Variants in IL23R observed in about 807,000 individuals in gnomAD.
IL23R encodes the protein interleukin-23 receptor.
IL23R carries 34 observed loss-of-function variants against 56.9 expected under a neutral mutation model. That is an observed-to-expected ratio of 0.60 (90% CI 0.45 to 0.80). The LOEUF is 0.80. IL23R is among the 30% of genes least tolerant of loss of function. The pLI is 0.00. For missense variants in IL23R, 635 were observed against 730.0 expected (o/e 0.87, Z 1.50); for synonymous variants, 230 against 249.2 (o/e 0.92, Z 0.73).
rs899179384 is a variant in IL23R at position 67,259,337 on chromosome 1, A to G, written c.*209A>G. 2 of 565,344 alleles carry G rather than the reference A, an allele frequency of 3.5e-6. No homozygotes were observed. Among genetic ancestry groups the G allele is most frequent in the South Asian group, 2.0e-5 (1 of 49,852 alleles). 35.0% of individuals were successfully genotyped at this position (565,344 alleles called of 1,614,324 possible). ...ATAAGCATATGTTTCAGTTCTACCA[A>G]TCTTGTTTCCAGAGTAGTGACATTT... On this transcript the variant is annotated 3_prime_UTR_variant, in exon 11 of 11. Coordinates refer to ENST00000347310, the MANE Select transcript of IL23R (RefSeq NM_144701.3).
chr1:67,225,093 C>T (rs1650527134), intron 7 of IL23R, among the ~76,000 whole-genome samples: 1 of 152,142 alleles, frequency 6.6e-6, no homozygotes, highest in Admixed American at 6.5e-5. Context: ...TCCTAAGAGA[C>T]CTAGGAGGGT....
At chr1:67,193,260 C>G (rs769116871) in intron 4 of IL23R, among the ~76,000 whole-genome samples, 2 of 152,192 alleles carry the variant, frequency 1.3e-5, no homozygotes, top group Non-Finnish European at 2.9e-5. Flanking sequence ...ACTCTCAGAA[C>G]TGCCTAACCT....
intron 7 of IL23R, among the ~76,000 whole-genome samples, chr1:67,222,303 G>A: frequency 6.6e-6 from 1 of 151,588 alleles, no homozygotes; most frequent in Non-Finnish European, 1.5e-5. Context: ...TTTTAATAGA[G>A]GCGGGGTTTC....
chr1:67,250,072 T>C (rs943014257), intron 9 of IL23R, among the ~76,000 whole-genome samples: 2 of 152,230 alleles, frequency 1.3e-5, no homozygotes, highest in African/African-American at 4.8e-5. Context: ...TAAAACAATA[T>C]TTTAACCCTC....
chr1:67,227,240 G>T (rs547262479), intron 7 of IL23R, among the ~76,000 whole-genome samples: 1 of 152,234 alleles, frequency 6.6e-6, no homozygotes, highest in African/African-American at 2.4e-5. Context: ...ACAATGGCTA[G>T]CCAGGAATCT....
chr1:67,207,132 T>TA lies in IL23R; in HGVS notation c.798+78dup. 2.9e-6 allele frequency: 4 copies of TA among 1,357,652 alleles called. No homozygotes were observed. The South Asian group carries it at 4.7e-5, about 16-fold the overall frequency. 84.1% of individuals were successfully genotyped at this position (1,357,652 alleles called of 1,614,324 possible). ...CAACCATCAGTGGCTACAGTGGACT[T>TA]ATTATGTCTATTTTACATGTTTTTA... is the stretch of plus-strand genomic sequence containing the variant. On this transcript the variant is annotated intron_variant, in intron 6 of 10. Coordinates refer to ENST00000347310, the MANE Select transcript of IL23R (RefSeq NM_144701.3).
upstream of IL23R, among the ~76,000 whole-genome samples, chr1:67,162,442 G>A (rs1475816673): frequency 2.0e-5 from 3 of 151,978 alleles, no homozygotes; most frequent in Admixed American, 1.3e-4. Flanking sequence ...AGCCGAGATC[G>A]CGCCACTGCA....
At chr1:67,168,567 A>G (rs1234760784) in intron 2 of IL23R, among the ~76,000 whole-genome samples, 1 of 152,240 alleles carries the variant, frequency 6.6e-6, no homozygotes, top group Non-Finnish European at 1.5e-5. Context: ...TGCCGGGCAC[A>G]TAGTAACTAT....
At chr1:67,230,958 G>T (rs948420243) in intron 7 of IL23R, among the ~76,000 whole-genome samples, 1 of 152,124 alleles carries the variant, frequency 6.6e-6, no homozygotes. Context: ...AAAAGGAGAT[G>T]CGAAAGAGAG....
At chr1:67,154,633 C>T (rs373783287) in intron 1 of IL23R, among the ~76,000 whole-genome samples, 6 of 150,944 alleles carry the variant, frequency 4.0e-5, no homozygotes, top group African/African-American at 1.5e-4. Context: ...TTTTGCTTTC[C>T]GTTTGCTTGG....
At position 67,160,996 on chromosome 1, in the gene IL23R, G is replaced by A. The variant is rs140367039; in HGVS notation, c.-633-7096G>A. On this transcript the variant is annotated intron_variant, in intron 1 of 10. Coordinates refer to the IL23R transcript ENST00000637002. ...TCATCAGCTATTGTTTATAGCAATT[G>A]ATACCAATTTTCCATCCAAACAATA... Among the ~76,000 whole-genome samples, 4 of 152,252 alleles carry A rather than the reference G, an allele frequency of 2.6e-5. No individual in the cohort carries two copies. In the East Asian group the frequency reaches 7.7e-4, roughly 29 times the overall value.
intron 8 of IL23R, among the ~76,000 whole-genome samples, chr1:67,239,272 G>A (rs1044180401): frequency 1.4e-4 from 22 of 152,116 alleles, no homozygotes; most frequent in Admixed American, 3.9e-4. Context: ...TTGTTTGTTT[G>A]TTTGTTTTTG....
chr1:67,221,614 C>T (rs1438243847), intron 7 of IL23R, among the ~76,000 whole-genome samples: 1 of 152,130 alleles, frequency 6.6e-6, no homozygotes, highest in Non-Finnish European at 1.5e-5. Context: ...AATAATACTC[C>T]TAATGGCCCC....
intron 7 of IL23R, among the ~76,000 whole-genome samples, chr1:67,220,064 C>A (rs544735078): frequency 7.9e-5 from 12 of 151,988 alleles, no homozygotes. Flanking sequence ...GACCAAGACC[C>A]TGTTTCCTAA....
intron 1 of IL23R, among the ~76,000 whole-genome samples, chr1:67,147,254 C>T (rs938578617): frequency 2.6e-5 from 4 of 152,132 alleles, no homozygotes; most frequent in African/African-American, 9.7e-5. Flanking sequence ...GTTACCTGCT[C>T]CCCACAGAAA....
At position 67,156,799 on chromosome 1, in the gene IL23R, C is replaced by T. The variant is rs1025526283; in HGVS notation, c.-633-11293C>T. ...GACCACTTGGCTCCCTGGCTTCAGC[C>T]CCCTTTCCAGGGCAGTGGATGGTTC... On this transcript the variant is annotated intron_variant, in intron 1 of 10. Transcript: ENST00000637002. Among the ~76,000 whole-genome samples, 16 of 152,314 alleles carry T rather than the reference C, an allele frequency of 1.1e-4. No homozygotes were observed. The South Asian group carries it at 2.7e-3, about 26-fold the overall frequency.
chr1:67,190,170 G>A (rs1049901304), intron 4 of IL23R, among the ~76,000 whole-genome samples: 4 of 152,184 alleles, frequency 2.6e-5, no homozygotes, highest in African/African-American at 9.7e-5. Context: ...AAAATCACAT[G>A]TAGAGAGAAG....
intron 5 of IL23R, among the ~76,000 whole-genome samples, chr1:67,202,160 T>C (rs1648685081): frequency 6.6e-6 from 1 of 152,228 alleles, no homozygotes; most frequent in African/African-American, 2.4e-5. Context: ...ATTAAAGATA[T>C]TTCAATAAGC....
chr1:67,148,768 G>A (rs1159966177), intron 1 of IL23R, among the ~76,000 whole-genome samples: 1 of 152,206 alleles, frequency 6.6e-6, no homozygotes, highest in Non-Finnish European at 1.5e-5. Flanking sequence ...TTGACTTAGT[G>A]TCCAGTCATG....
Sources: allele counts gnomAD v4.1 joint callset (sites outside exome capture counted in the v4.1 genomes callset), GRCh38; gene constraint gnomAD v4.1.1; transcripts MANE v1.5; gene names NCBI Gene and HGNC (gene_info 2026-07-23, HGNC 2026-07-21).